Variants in EFHC2 observed in about 807,000 individuals in gnomAD.
EFHC2 encodes the protein EF-hand domain-containing family member C2.
In EFHC2, 18 loss-of-function variants were observed where a neutral mutation model predicts 52.7. The ratio of observed to expected loss-of-function variants is 0.34; its 90% CI spans 0.24 to 0.51. EFHC2 has a LOEUF of 0.51. Ranked by LOEUF, EFHC2 falls within the 20% of genes least tolerant of loss-of-function variation. The pLI, the probability that EFHC2 is intolerant of heterozygous loss-of-function variation, is 0.97. For synonymous variants in EFHC2, 203 were observed against 204.1 expected (o/e 0.99, Z 0.04); for missense variants, 513 against 562.5 (o/e 0.91, Z 0.89).
chrX:44,269,563 A>G (rs1330863477), intron 3 of EFHC2, among the ~76,000 whole-genome samples: 1 of 110,535 alleles, frequency 9.0e-6, no homozygotes, highest in Non-Finnish European at 1.9e-5. Flanking sequence ...CTGATTGTTA[A>G]CAAGAGTCTG....
At chrX:44,215,899 C>A (rs1352313044) in intron 11 of EFHC2, among the ~76,000 whole-genome samples, 2 of 111,168 alleles carry the variant, frequency 1.8e-5, no homozygotes, top group East Asian at 5.7e-4. Context: ...CTATATATAT[C>A]CACATACATA....
chrX:44,164,508 C>A (rs1314118991), intron 13 of EFHC2, among the ~76,000 whole-genome samples: 3 of 111,847 alleles, frequency 2.7e-5, no homozygotes, highest in Non-Finnish European at 5.6e-5. Flanking sequence ...GCATCTTTAT[C>A]ATTTATTATG....
chrX:44,172,234 C>T lies in EFHC2; in HGVS notation c.2042+4058G>A, dbSNP rs146173755. 9.8e-5 allele frequency among the ~76,000 whole-genome samples: 11 copies of T among 111,983 alleles called. No homozygotes were observed. The East Asian group carries it at 2.0e-3, about 20-fold the overall frequency. On this transcript the variant is annotated intron_variant, in intron 13 of 14. Coordinates refer to ENST00000420999, the MANE Select transcript of EFHC2 (RefSeq NM_025184.4). ...GCTGGGGAAAGAGTTGCACTTGAAT[C>T]TCTAGTTATTCCAAGTCTAGATTCA...
At chrX:44,340,444 G>C (rs1257016669) in intron 1 of EFHC2, among the ~76,000 whole-genome samples, 1 of 110,343 alleles carries the variant, frequency 9.1e-6, no homozygotes, top group Non-Finnish European at 1.9e-5. Flanking sequence ...CTGAAGTCAG[G>C]AGTTCAAGAC....
intron 2 of EFHC2, among the ~76,000 whole-genome samples, chrX:44,307,095 A>G (rs1481699656): frequency 9.0e-6 from 1 of 111,147 alleles, no homozygotes; most frequent in Non-Finnish European, 1.9e-5. Context: ...AACTCCCATC[A>G]GCCAAGAGCA....
At chrX:44,336,808 G>A (rs1009217439) in intron 1 of EFHC2, among the ~76,000 whole-genome samples, 3 of 111,487 alleles carry the variant, frequency 2.7e-5, no homozygotes, top group Admixed American at 1.9e-4. Context: ...AGAGTGGAGA[G>A]GTAAATTTTA....
chrX:44,247,425 G>A (rs1036363187), intron 7 of EFHC2, among the ~76,000 whole-genome samples: 1 of 111,478 alleles, frequency 9.0e-6, no homozygotes, highest in Non-Finnish European at 1.9e-5. Context: ...TCGGGGAAGT[G>A]TGTTCATATG....
intron 1 of EFHC2, among the ~76,000 whole-genome samples, chrX:44,343,203 C>G (rs1017714829): frequency 9.0e-6 from 1 of 110,746 alleles, no homozygotes; most frequent in Admixed American, 9.6e-5. Context: ...TAAAAACTAC[C>G]TAATTCAAAG....
chrX:44,328,520 CT>C (rs777655855), intron 1 of EFHC2, among the ~76,000 whole-genome samples: 1 of 111,539 alleles, frequency 9.0e-6, no homozygotes, highest in South Asian at 3.8e-4. Flanking sequence ...AAAACCACAA[CT>C]TTCCACACCT....
At chrX:44,190,844 G>A (rs2036914325) in intron 11 of EFHC2, among the ~76,000 whole-genome samples, 1 of 111,035 alleles carries the variant, frequency 9.0e-6, no homozygotes, top group African/African-American at 3.3e-5. Context: ...TATGGTCCCA[G>A]TGTGACTGAG....
chrX:44,183,936 T>G (rs1043764962), intron 11 of EFHC2, among the ~76,000 whole-genome samples: 1 of 112,569 alleles, frequency 8.9e-6, no homozygotes, highest in Non-Finnish European at 1.9e-5. Flanking sequence ...CTAGTCCCAC[T>G]AATTCACCAG....
chrX:44,212,713 TTTTAA>T (rs1213500423), intron 11 of EFHC2, among the ~76,000 whole-genome samples: 3 of 110,822 alleles, frequency 2.7e-5, no homozygotes, highest in Middle Eastern at 9.3e-3. Context: ...TTATTTATTT[TTTTAA>T]TTTATTTTTT....
chrX:44,230,898 T>C (rs575308842), intron 10 of EFHC2, among the ~76,000 whole-genome samples: 3 of 111,463 alleles, frequency 2.7e-5, no homozygotes, highest in African/African-American at 9.8e-5. Context: ...AGCAATTCTA[T>C]CAAACAGGCA....
chrX:44,245,812 TTGTC>T (rs758120541), intron 7 of EFHC2, among the ~76,000 whole-genome samples: 14 of 111,884 alleles, frequency 1.3e-4, no homozygotes, highest in Middle Eastern at 4.6e-3. Flanking sequence ...CTCCTTCTCT[TTGTC>T]TGCCATTTTT....
At chrX:44,276,170 C>T (rs143513684) in intron 2 of EFHC2, among the ~76,000 whole-genome samples, 34 of 111,194 alleles carry the variant, frequency 3.1e-4, no homozygotes, top group African/African-American at 1.1e-3. Flanking sequence ...GTAATCCCAA[C>T]ACGTTAGGAG....
intron 3 of EFHC2, among the ~76,000 whole-genome samples, chrX:44,264,641 A>G (rs1461166389): frequency 8.9e-6 from 1 of 112,694 alleles, no homozygotes; most frequent in Non-Finnish European, 1.9e-5. Flanking sequence ...TCACAATTCC[A>G]TATTAATCAG....
At chrX:44,312,808 T>A (rs1032725764) in intron 1 of EFHC2, 52 bp from the exon 2 acceptor site, 3 of 1,052,768 alleles carry the variant, frequency 2.8e-6, no homozygotes, top group Admixed American at 8.2e-5. Flanking sequence ...TTTATGACTT[T>A]TCTAACCTGT....
intron 1 of EFHC2, among the ~76,000 whole-genome samples, chrX:44,326,044 C>G (rs1238384807): frequency 9.2e-6 from 1 of 108,269 alleles, no homozygotes; most frequent in Non-Finnish European, 1.9e-5. Flanking sequence ...CAGGTACACA[C>G]TACCACACCC....
At chrX:44,328,400 G>A (rs1259385858) in intron 1 of EFHC2, among the ~76,000 whole-genome samples, 1 of 111,554 alleles carries the variant, frequency 9.0e-6, no homozygotes, top group Admixed American at 9.6e-5. Context: ...ACAATGCTGA[G>A]CCTCTATACA....
Sources: allele counts gnomAD v4.1 joint callset (sites outside exome capture counted in the v4.1 genomes callset), GRCh38; gene constraint gnomAD v4.1.1; transcripts MANE v1.5; gene names NCBI Gene and HGNC (gene_info 2026-07-23, HGNC 2026-07-21).